GPM6B: variants seen among roughly 807,000 people sequenced by gnomAD.
The protein encoded by GPM6B is neuronal membrane glycoprotein M6-b.
In GPM6B, 4 loss-of-function variants were observed where a neutral mutation model predicts 27.2. That is an observed-to-expected ratio of 0.15 (90% confidence interval 0.07 to 0.34). The LOEUF (loss-of-function observed/expected upper bound fraction) is 0.34, where lower values mean the gene tolerates loss of function less well. Among genes scored for constraint, GPM6B ranks in the 10% least tolerant of loss-of-function variants. The probability of loss-of-function intolerance (pLI) is 1.00; values close to 1 mark genes in which losing one functional copy is unlikely to be tolerated. For missense variants in GPM6B, 183 were observed against 261.9 expected (o/e 0.70, Z 2.08); for synonymous variants, 124 against 103.1 (o/e 1.20, Z -1.23).
intron 5 of GPM6B, among the ~76,000 whole-genome samples, chrX:13,778,238 G>A (rs751625538): frequency 9.2e-6 from 1 of 109,172 alleles, no homozygotes; most frequent in Admixed American, 9.6e-5. Context: ...TAGTAGAGAC[G>A]GGGTTTCACC....
intron 6 of GPM6B, 109 bp downstream of exon 6, chrX:13,777,243 G>A: frequency 3.6e-6 from 2 of 563,034 alleles, no homozygotes; most frequent in Non-Finnish European, 6.1e-6. Context: ...TAAACAAGGA[G>A]CTTTCCTTAA....
intron 1 of GPM6B, among the ~76,000 whole-genome samples, chrX:13,898,828 T>C (rs1490056646): frequency 2.7e-5 from 3 of 111,555 alleles, no homozygotes; most frequent in Non-Finnish European, 5.6e-5. Context: ...GGCTGTGTCA[T>C]CCTGTCGGGC....
At chrX:13,788,333 T>C (rs1017031290) in intron 2 of GPM6B, among the ~76,000 whole-genome samples, 9 of 110,217 alleles carry the variant, frequency 8.2e-5, no homozygotes, top group Non-Finnish European at 5.7e-5. Flanking sequence ...ACAATTATTA[T>C]AGTCCAGCAT....
At chrX:13,921,790 G>A (rs7056106) in intron 1 of GPM6B, among the ~76,000 whole-genome samples, 1,756 of 110,877 alleles carry the variant, frequency 0.016, 31 homozygotes, top group African/African-American at 0.054. Context: ...TGTTGGTCAC[G>A]CTGGTCTCAA....
chrX:13,889,332 A>G (rs1222493062), intron 1 of GPM6B: 1 of 111,999 alleles, frequency 8.9e-6, no homozygotes, highest in Admixed American at 9.5e-5. Context: ...GGAGGTTAAC[A>G]TATGTACTAG....
chrX:13,886,565 C>G (rs12857604), intron 1 of GPM6B, among the ~76,000 whole-genome samples: 1 of 107,156 alleles, frequency 9.3e-6, no homozygotes, highest in Non-Finnish European at 1.9e-5. Context: ...CATTTCCTCT[C>G]TTAGCCTACA....
chrX:13,937,702 T>A (rs1654974882), intron 1 of GPM6B, among the ~76,000 whole-genome samples: 1 of 111,714 alleles, frequency 9.0e-6, no homozygotes, highest in Non-Finnish European at 1.9e-5. Flanking sequence ...AAAGACATGT[T>A]GCTGACGGCA....
intron 2 of GPM6B, among the ~76,000 whole-genome samples, chrX:13,792,897 TAA>T (rs748291980): frequency 4.1e-3 from 332 of 80,866 alleles, no homozygotes; most frequent in East Asian, 0.012. Flanking sequence ...AGACTCCGTT[TAA>T]AAAAAAAAAA....
intron 1 of GPM6B, among the ~76,000 whole-genome samples, chrX:13,936,781 C>T (rs184884250): frequency 3.6e-5 from 4 of 112,351 alleles, no homozygotes; most frequent in African/African-American, 1.3e-4. Flanking sequence ...CGGGCCTTTG[C>T]TTCATGAGAA....
At chrX:13,932,177 C>A (rs947954793) in intron 1 of GPM6B, among the ~76,000 whole-genome samples, 6 of 111,022 alleles carry the variant, frequency 5.4e-5, no homozygotes, top group Non-Finnish European at 5.7e-5. Context: ...CTCCCCACTC[C>A]CCCACATTGA....
intron 1 of GPM6B, among the ~76,000 whole-genome samples, chrX:13,845,251 A>G (rs2049631678): frequency 9.0e-6 from 1 of 111,494 alleles, no homozygotes; most frequent in Non-Finnish European, 1.9e-5. Context: ...GGGCCTCCCA[A>G]AGTGCCGGGA....
At chrX:13,888,320 T>C (rs1350958683) in intron 1 of GPM6B, among the ~76,000 whole-genome samples, 2 of 111,697 alleles carry the variant, frequency 1.8e-5, no homozygotes, top group Admixed American at 1.9e-4. Context: ...GAAAATTAAT[T>C]ACCTTCCATT....
intron 1 of GPM6B, among the ~76,000 whole-genome samples, chrX:13,844,771 G>C (rs2049623717): frequency 9.0e-6 from 1 of 111,537 alleles, no homozygotes; most frequent in Non-Finnish European, 1.9e-5. Flanking sequence ...CTCAAAGTCA[G>C]CCAACATCTT....
rs201799778 is a variant in GPM6B, at chrX:13,812,047, TC to T, written c.62-4279del. Among the ~76,000 whole-genome samples, 138 of 88,227 alleles carry T rather than the reference TC, an allele frequency of 1.6e-3. 17 individuals carry two copies. The highest frequency in any genetic ancestry group is 0.012 in the East Asian group (33 of 2,843). 76.6% of individuals were successfully genotyped at this position (88,227 alleles called of 115,157 possible). On this transcript the variant is annotated intron_variant, in intron 1 of 7. Coordinates refer to ENST00000316715, the MANE Select transcript of GPM6B (RefSeq NM_001001995.3). ...CAAAGGAGAACACTTTTCTTTTCTT[TC>T]TTTTTTTTTTTTTTTTTTTGAGACA... is the stretch of plus-strand genomic sequence containing the variant.
chrX:13,821,989 G>C (rs141707785), upstream of GPM6B, among the ~76,000 whole-genome samples: 971 of 111,755 alleles, frequency 8.7e-3, 9 homozygotes, highest in African/African-American at 0.029. Flanking sequence ...CCTTATCCTA[G>C]TCACATAGCT....
intron 1 of GPM6B, among the ~76,000 whole-genome samples, chrX:13,846,480 T>A (rs891091615): frequency 1.4e-4 from 15 of 110,053 alleles, no homozygotes. Flanking sequence ...CTCGACCATC[T>A]TTTTTTTTAT....
At chrX:13,832,641 A>G (rs951569379) in intron 1 of GPM6B, among the ~76,000 whole-genome samples, 1 of 111,601 alleles carries the variant, frequency 9.0e-6, no homozygotes, top group Non-Finnish European at 1.9e-5. Flanking sequence ...TTTAAAATAT[A>G]TTCACATTAT....
chrX:13,786,721 G>C (rs2048619296), intron 2 of GPM6B, among the ~76,000 whole-genome samples: 1 of 111,294 alleles, frequency 9.0e-6, no homozygotes, highest in African/African-American at 3.3e-5. Context: ...ATGAAGGAGA[G>C]ACAGCCGTAA....
At chrX:13,781,818 G>A (rs983511432) in intron 4 of GPM6B, among the ~76,000 whole-genome samples, 1 of 111,811 alleles carries the variant, frequency 8.9e-6, no homozygotes, top group African/African-American at 3.3e-5. Context: ...CATGTTGTCC[G>A]GACCTCCTGA....
Sources: allele counts gnomAD v4.1 joint callset (sites outside exome capture counted in the v4.1 genomes callset), GRCh38; gene constraint gnomAD v4.1.1; transcripts MANE v1.5; gene names NCBI Gene and HGNC (gene_info 2026-07-23, HGNC 2026-07-21).